RFPL1: variants seen among roughly 807,000 people sequenced by gnomAD.
RFPL1 encodes ret finger protein like 1.
A neutral mutation model predicts 9.6 loss-of-function variants in RFPL1; 6 were observed. The ratio of observed to expected loss-of-function variants is 0.62; its 90% CI spans 0.34 to 1.23. The LOEUF (loss-of-function observed/expected upper bound fraction) is 1.23, where lower values mean the gene tolerates loss of function less well. Among genes scored for constraint, RFPL1 ranks in the 50% most tolerant of loss-of-function variants. The pLI is 0.03. For synonymous variants in RFPL1, 145 were observed against 149.4 expected (o/e 0.97, Z 0.22); for missense variants, 352 against 398.4 (o/e 0.88, Z 0.99).
chr22:29,414,307 A>G, the RFPL1 span, among the ~76,000 whole-genome samples: 1 of 152,192 alleles, frequency 6.6e-6, no homozygotes, highest in Non-Finnish European at 1.5e-5. Context: ...TTCTAAGGCC[A>G]CAGATTAGAA....
chr22:29,437,733 G>T, upstream of RFPL1: 1 of 1,588,764 alleles, frequency 6.3e-7, no homozygotes, highest in Non-Finnish European at 8.5e-7. Context: ...CAGAAGAGGT[G>T]AGCCCATGCC....
the RFPL1 span, among the ~76,000 whole-genome samples, chr22:29,409,947 T>C: frequency 1.3e-5 from 2 of 152,130 alleles, no homozygotes; most frequent in Non-Finnish European, 2.9e-5. Flanking sequence ...TAGCAACTTT[T>C]TCTTCTTGAA....
At chr22:29,424,837 C>CCA in the RFPL1 span, among the ~76,000 whole-genome samples, 2 of 106,704 alleles carry the variant, frequency 1.9e-5, no homozygotes, top group East Asian at 7.1e-4. Context: ...CCTCCCACCC[C>CCA]CCCCCCCGCA....
upstream of RFPL1, chr22:29,436,728 GAAAGT>G (rs2062810593): frequency 2.0e-5 from 3 of 152,094 alleles, no homozygotes; most frequent in East Asian, 5.8e-4. Context: ...CATGTCAACT[GAAAGT>G]AAAGAGGAAA....
chr22:29,408,234 G>A, the RFPL1 span, among the ~76,000 whole-genome samples: 5 of 152,144 alleles, frequency 3.3e-5, no homozygotes, highest in Admixed American at 2.6e-4. Flanking sequence ...AGATGCTGTC[G>A]CTGAACCATA....
chr22:29,398,081 C>G, the RFPL1 span, among the ~76,000 whole-genome samples: 14 of 152,234 alleles, frequency 9.2e-5, no homozygotes, highest in Admixed American at 8.5e-4. Context: ...CTCATCCGCT[C>G]TACCCTGGGC....
chr22:29,393,684 T>TAG, the RFPL1 span, among the ~76,000 whole-genome samples: 23,741 of 149,512 alleles, frequency 0.16, 1,952 homozygotes, highest in East Asian at 0.29. Flanking sequence ...CCCACCTGGA[T>TAG]AGAGAGAGAG....
chr22:29,416,128 G>A, the RFPL1 span, among the ~76,000 whole-genome samples: 2 of 152,204 alleles, frequency 1.3e-5, no homozygotes, highest in Admixed American at 6.5e-5. Flanking sequence ...GGAAGCAAAC[G>A]CCCTCCCAGG....
the RFPL1 span, among the ~76,000 whole-genome samples, chr22:29,428,086 C>A: frequency 6.6e-6 from 1 of 152,312 alleles, no homozygotes; most frequent in East Asian, 1.9e-4. Flanking sequence ...GATTTGTCAG[C>A]TTTCTTCAGC....
intron 1 of RFPL1, 161 bp downstream of exon 1, chr22:29,439,325 C>T (rs2062825918): frequency 8.9e-7 from 1 of 1,119,588 alleles, no homozygotes. Context: ...CATACAGAAT[C>T]ACCTGGTGAT....
the RFPL1 span, among the ~76,000 whole-genome samples, chr22:29,424,170 G>C: frequency 6.6e-6 from 1 of 151,506 alleles, no homozygotes; most frequent in African/African-American, 2.4e-5. Flanking sequence ...ACAGAATCCT[G>C]CTTTGTCTCA....
At chr22:29,418,400 T>C in the RFPL1 span, among the ~76,000 whole-genome samples, 21 of 152,112 alleles carry the variant, frequency 1.4e-4, 1 homozygote, top group Admixed American at 1.4e-3. Flanking sequence ...ACATGTATTT[T>C]ACTTGCACCA....
chr22:29,420,252 T>C, the RFPL1 span, among the ~76,000 whole-genome samples: 76 of 152,306 alleles, frequency 5.0e-4, no homozygotes, highest in African/African-American at 9.9e-4. Flanking sequence ...AATGAGGAAG[T>C]AGGGTTGTCT....
At chr22:29,416,192 A>G in the RFPL1 span, among the ~76,000 whole-genome samples, 1 of 152,236 alleles carries the variant, frequency 6.6e-6, no homozygotes, top group African/African-American at 2.4e-5. Context: ...TCCAGACATG[A>G]ATTTCCTTGG....
the RFPL1 span, among the ~76,000 whole-genome samples, chr22:29,419,822 GAAAA>G: frequency 6.9e-6 from 1 of 145,636 alleles, no homozygotes. Context: ...AAAAAGAAAA[GAAAA>G]AAAAAGAAAC....
chr22:29,426,583 C>T, the RFPL1 span, among the ~76,000 whole-genome samples: 1 of 152,210 alleles, frequency 6.6e-6, no homozygotes, highest in Middle Eastern at 3.4e-3. Flanking sequence ...GAAACACTCT[C>T]TCTCCTAAAA....
At chr22:29,424,404 A>G in the RFPL1 span, among the ~76,000 whole-genome samples, 1 of 152,178 alleles carries the variant, frequency 6.6e-6, no homozygotes, top group African/African-American at 2.4e-5. Flanking sequence ...TATTAAAGGC[A>G]GGAGCTTCAC....
the RFPL1 span, among the ~76,000 whole-genome samples, chr22:29,401,345 A>G: frequency 2.0e-5 from 3 of 152,220 alleles, no homozygotes; most frequent in African/African-American, 7.2e-5. Flanking sequence ...TTTTGAAAAC[A>G]TGAGTTGGGA....
chr22:29,426,646 G>A, the RFPL1 span, among the ~76,000 whole-genome samples: 1 of 152,202 alleles, frequency 6.6e-6, no homozygotes, highest in Non-Finnish European at 1.5e-5. Flanking sequence ...CTACTCAGGA[G>A]GCTAAGGCAG....
Sources: gnomAD v4.1 joint callset for allele counts (sites outside exome capture counted in the v4.1 genomes callset) on GRCh38, gnomAD v4.1.1 for gene constraint, MANE v1.5 for transcripts, NCBI Gene and HGNC (gene_info 2026-07-23, HGNC 2026-07-21) for gene names.